Variants in ZFHX3 observed in about 807,000 individuals in gnomAD.
The protein encoded by ZFHX3 is zinc finger homeobox 3.
Under a neutral mutation model 279.1 loss-of-function variants are expected in ZFHX3, and 42 were observed. The observed-to-expected ratio is 0.15, with a 90% CI of 0.12 to 0.19. ZFHX3 has a LOEUF of 0.19. Among genes scored for constraint, ZFHX3 ranks in the 10% least tolerant of loss-of-function variants. ZFHX3 has a pLI of 1.00. For missense variants in ZFHX3, 4,981 were observed against 4,754.0 expected (o/e 1.05, Z -1.40); for synonymous variants, 2,293 against 1,957.8 (o/e 1.17, Z -4.52).
At chr16:73,284,360 C>G (rs1200614105) in intron 4 of ZFHX3, among the ~76,000 whole-genome samples, 1 of 150,028 alleles carries the variant, frequency 6.7e-6, no homozygotes, top group Non-Finnish European at 1.5e-5. Context: ...AAATATGATC[C>G]TGAATCCACT....
chr16:72,945,274 G>A (rs1012799367), intron 3 of ZFHX3, among the ~76,000 whole-genome samples: 6 of 152,188 alleles, frequency 3.9e-5, no homozygotes, highest in Non-Finnish European at 5.9e-5. Context: ...CAGCAGTGAT[G>A]GATGAACTTG....
chr16:72,976,850 C>G (rs1156693930), intron 1 of ZFHX3, among the ~76,000 whole-genome samples: 2 of 152,172 alleles, frequency 1.3e-5, no homozygotes, highest in Non-Finnish European at 2.9e-5. Flanking sequence ...TGCTGGGGAA[C>G]CCGGAGGCCC....
chr16:73,448,693 T>TGTGTGTGA (rs72304196), intron 3 of ZFHX3, among the ~76,000 whole-genome samples: 8 of 150,308 alleles, frequency 5.3e-5, no homozygotes, highest in Admixed American at 2.7e-4. Flanking sequence ...TACGTGTGTG[T>TGTGTGTGA]GTGTGTGTGT....
intron 1 of ZFHX3, among the ~76,000 whole-genome samples, chr16:72,961,969 C>T (rs1314179814): frequency 6.6e-6 from 1 of 152,134 alleles, no homozygotes; most frequent in Non-Finnish European, 1.5e-5. Context: ...AAGGCTGAGC[C>T]GGGATACAGG....
At chr16:73,308,257 ATATATATATATATATATATATT>A (rs1290135249) in intron 4 of ZFHX3, among the ~76,000 whole-genome samples, 2,700 of 27,950 alleles carry the variant, frequency 0.097, 83 homozygotes, top group Middle Eastern at 0.19. Flanking sequence ...ATATATATAT[ATATATATATATATATATATATT>A]TATTTATTTA....
At chr16:73,484,872 A>G (rs541850716) in intron 2 of ZFHX3, among the ~76,000 whole-genome samples, 2 of 152,352 alleles carry the variant, frequency 1.3e-5, no homozygotes, top group African/African-American at 4.8e-5. Flanking sequence ...ATACAAATGT[A>G]CAATGTTAAA....
upstream of ZFHX3, chr16:73,061,755 G>T (rs1567655288): frequency 6.6e-6 from 1 of 151,884 alleles, no homozygotes; most frequent in African/African-American, 2.4e-5. Context: ...ATTCCTCTTT[G>T]TAGATCTTGA....
intron 2 of ZFHX3, among the ~76,000 whole-genome samples, chr16:73,666,802 G>A (rs535504120): frequency 6.6e-6 from 1 of 151,836 alleles, no homozygotes; most frequent in Non-Finnish European, 1.5e-5. Context: ...AGCAACGACT[G>A]ATCTGTTCTC....
At chr16:72,930,033 C>G (rs1959701098) in intron 3 of ZFHX3, among the ~76,000 whole-genome samples, 1 of 152,200 alleles carries the variant, frequency 6.6e-6, no homozygotes, top group Non-Finnish European at 1.5e-5. Context: ...GCCTGGCCAA[C>G]ATGGTGAAAC....
At chr16:72,924,968 T>A (rs1417836309) in intron 3 of ZFHX3, among the ~76,000 whole-genome samples, 1 of 152,160 alleles carries the variant, frequency 6.6e-6, no homozygotes, top group East Asian at 1.9e-4. Context: ...TGGGTCTTAC[T>A]CCGGCGCCCC....
chr16:73,029,633 G>A (rs965464206), intron 1 of ZFHX3, among the ~76,000 whole-genome samples: 28 of 152,240 alleles, frequency 1.8e-4, no homozygotes, highest in Non-Finnish European at 3.7e-4. Context: ...CCACATAAAC[G>A]GGACTTGAAA....
intron 1 of ZFHX3, among the ~76,000 whole-genome samples, chr16:73,019,526 A>G (rs1031765495): frequency 6.6e-6 from 1 of 152,014 alleles, no homozygotes; most frequent in Non-Finnish European, 1.5e-5. Flanking sequence ...CCTCCCAGCC[A>G]CACTGCAGCA....
chr16:73,095,079 T>C (rs1465461868), intron 7 of ZFHX3, among the ~76,000 whole-genome samples: 1 of 152,002 alleles, frequency 6.6e-6, no homozygotes, highest in Non-Finnish European at 1.5e-5. Flanking sequence ...TCTGAAATGC[T>C]TATCTTTTTT....
chr16:73,045,712 G>C (rs996714049), intron 1 of ZFHX3, among the ~76,000 whole-genome samples: 1 of 141,396 alleles, frequency 7.1e-6, no homozygotes, highest in African/African-American at 2.6e-5. Context: ...TTTCTCAATA[G>C]TTCCCTGTTC....
chr16:72,892,552 T>C (rs967490842), intron 3 of ZFHX3, among the ~76,000 whole-genome samples: 9 of 151,406 alleles, frequency 5.9e-5, no homozygotes, highest in Admixed American at 5.3e-4. Flanking sequence ...CTGTTGCCCA[T>C]GCTGGAGTGC....
At chr16:73,428,091 T>G (rs994107986) in intron 3 of ZFHX3, among the ~76,000 whole-genome samples, 4 of 152,146 alleles carry the variant, frequency 2.6e-5, no homozygotes, top group African/African-American at 4.8e-5. Flanking sequence ...CCGGGTCCCT[T>G]TGCCAGGAAT....
At chr16:72,942,399 G>A (rs1407872715) in intron 3 of ZFHX3, among the ~76,000 whole-genome samples, 1 of 152,206 alleles carries the variant, frequency 6.6e-6, no homozygotes, top group East Asian at 1.9e-4. Flanking sequence ...ATTCCACGGT[G>A]TGACTTATTC....
chr16:72,987,888 G>A (rs929725730), intron 1 of ZFHX3, among the ~76,000 whole-genome samples: 2 of 152,134 alleles, frequency 1.3e-5, no homozygotes, highest in East Asian at 1.9e-4. Flanking sequence ...ACAGACAAAC[G>A]CCACCTACTG....
intron 3 of ZFHX3, among the ~76,000 whole-genome samples, chr16:73,413,767 G>T (rs1379458656): frequency 1.3e-5 from 2 of 152,156 alleles, no homozygotes; most frequent in Non-Finnish European, 2.9e-5. Context: ...TTATGCATTT[G>T]ATTTGGAAAT....
Sources: allele counts gnomAD v4.1 joint callset (sites outside exome capture counted in the v4.1 genomes callset), GRCh38; gene constraint gnomAD v4.1.1; transcripts MANE v1.5; gene names NCBI Gene and HGNC (gene_info 2026-07-23, HGNC 2026-07-21).